Variants in ITGA4 observed in about 807,000 individuals in gnomAD.
ITGA4 encodes the protein integrin alpha-4.
In ITGA4, 63 loss-of-function variants were observed where a neutral mutation model predicts 133.6. That is an observed-to-expected ratio of 0.47 (90% CI 0.38 to 0.58). The LOEUF (loss-of-function observed/expected upper bound fraction) is 0.58. Among genes scored for constraint, ITGA4 ranks in the 20% least tolerant of loss-of-function variants. ITGA4 has a pLI of 0.00. For synonymous variants in ITGA4, 483 were observed against 438.0 expected (o/e 1.10, Z -1.28); for missense variants, 1,076 against 1,252.7 (o/e 0.86, Z 2.13).
chr2:181,536,340 G>A lies in ITGA4; in HGVS notation c.*813G>A, dbSNP rs1232393166. Among the ~76,000 whole-genome samples the A allele has an allele frequency of 1.3e-5, 2 of 151,684 alleles. No homozygotes were observed. Among genetic ancestry groups the A allele is most frequent in the African/African-American group, 4.8e-5 (2 of 41,310 alleles). On this transcript the variant is annotated 3_prime_UTR_variant, in exon 28 of 28. Transcript: ENST00000397033. ...CCCAGGAGTAATCTTCAAATCTTTT[G>A]TTATATTCTGAAACAAAAGATTGTG...
chr2:181,520,533 G>A (rs1299553424), intron 17 of ITGA4, among the ~76,000 whole-genome samples: 4 of 151,932 alleles, frequency 2.6e-5, no homozygotes, highest in Admixed American at 2.0e-4. Flanking sequence ...TTAAAGGAGA[G>A]GAGAAGGACT....
At chr2:181,531,084 C>T (rs1338064817) in intron 24 of ITGA4, among the ~76,000 whole-genome samples, 1 of 151,834 alleles carries the variant, frequency 6.6e-6, no homozygotes, top group Non-Finnish European at 1.5e-5. Context: ...CACTGCACTC[C>T]AGCCTGGGTG....
intron 21 of ITGA4, among the ~76,000 whole-genome samples, chr2:181,526,802 C>CCAGGT (rs1686837674): frequency 7.5e-6 from 1 of 133,538 alleles, no homozygotes; most frequent in Non-Finnish European, 1.6e-5. Flanking sequence ...ATATTGTCAC[C>CCAGGT]CAGGTCAGAG....
At chr2:181,470,039 A>G (rs1167628129) in intron 2 of ITGA4, among the ~76,000 whole-genome samples, 2 of 152,078 alleles carry the variant, frequency 1.3e-5, no homozygotes, top group Admixed American at 6.5e-5. Flanking sequence ...TGTTGTGCAC[A>G]TGTACCCTGG....
At chr2:181,478,630 T>C (rs1376750599) in intron 4 of ITGA4, 127 bp from the exon 5 acceptor site, 1 of 436,426 alleles carries the variant, frequency 2.3e-6, no homozygotes, top group Admixed American at 4.1e-5. Context: ...TCAAGGTTAC[T>C]GGTTTTTATT....
intron 15 of ITGA4, among the ~76,000 whole-genome samples, chr2:181,505,955 C>T (rs908716860): frequency 1.3e-5 from 2 of 152,002 alleles, no homozygotes; most frequent in South Asian, 4.1e-4. Context: ...CAAGCTGTTC[C>T]GTTTTCACAA....
chr2:181,525,145 C>G (rs1435942250), intron 20 of ITGA4, 57 bp from the exon 21 acceptor site: 6 of 974,104 alleles, frequency 6.2e-6, no homozygotes, highest in Non-Finnish European at 8.3e-6. Flanking sequence ...GTAATTAGTT[C>G]TCTCTGAAGA....
At chr2:181,474,338 A>G (rs968998612) in intron 2 of ITGA4, among the ~76,000 whole-genome samples, 1 of 152,186 alleles carries the variant, frequency 6.6e-6, no homozygotes, top group Non-Finnish European at 1.5e-5. Context: ...TTTGTTTACT[A>G]CTGAGATAAT....
intron 21 of ITGA4, 76 bp downstream of exon 21, chr2:181,525,367 A>C: frequency 1.3e-6 from 1 of 742,416 alleles, no homozygotes. Context: ...TAATGAAAAA[A>C]CTGTATTCTA....
Position 181,538,692 on chromosome 2 carries a change from G to GTAAT in ITGA4, c.*3168_*3171dup, listed in dbSNP as rs1177503640. Among the ~76,000 whole-genome samples the GTAAT allele has an allele frequency of 6.6e-6, 1 of 152,116 alleles. No homozygotes were observed. The highest frequency in any genetic ancestry group is 1.5e-5 in the Non-Finnish European group (1 of 68,016). ...AAATTACTGAACAAAACATGTTACA[G>GTAAT]TAATTATGAGTGAGAGGAAACTAAG... On this transcript the variant is annotated 3_prime_UTR_variant, in exon 28 of 28. Coordinates refer to ENST00000397033, the MANE Select transcript of ITGA4 (RefSeq NM_000885.6).
In ITGA4 at chr2:181,525,253, A is replaced by G. The variant is rs949532331; in HGVS notation, c.2301A>G (p.Ala767=). The change falls in exon 21 of 28, where the codon GCA becomes GCG. Residue 767 remains alanine (A), a synonymous_variant. Transcript: ENST00000397033. ...TAAAGCACAGCAGAGTGACTGTAGC[A>G]ATACCTTTAAAATATGAGGTTAAGC... The part of the protein sequence containing the change: ...DNLKHSRVTV[A]IPLKYEVKLT... 6.2e-7 allele frequency: 1 copy of G among 1,606,716 alleles called. No homozygotes were observed.
At chr2:181,517,850 C>T (rs1195392624) in intron 17 of ITGA4, among the ~76,000 whole-genome samples, 1 of 152,064 alleles carries the variant, frequency 6.6e-6, no homozygotes, top group Non-Finnish European at 1.5e-5. Context: ...GCAGTGCTTT[C>T]ACCTTCTGTT....
At chr2:181,521,845 A>C (rs1284301298) in intron 17 of ITGA4, among the ~76,000 whole-genome samples, 1 of 152,224 alleles carries the variant, frequency 6.6e-6, no homozygotes, top group African/African-American at 2.4e-5. Flanking sequence ...AAAGAAAAGA[A>C]AAACTGCTTT....
At chr2:181,483,510 A>G (rs532356200) in intron 9 of ITGA4, among the ~76,000 whole-genome samples, 87 of 152,324 alleles carry the variant, frequency 5.7e-4, no homozygotes, top group African/African-American at 1.9e-3. Flanking sequence ...TGTTCAGTCA[A>G]TGGTTTCAGA....
intron 15 of ITGA4, among the ~76,000 whole-genome samples, chr2:181,504,477 G>C (rs896616854): frequency 6.6e-6 from 1 of 151,894 alleles, no homozygotes; most frequent in East Asian, 1.9e-4. Context: ...ATAGTTTAAT[G>C]AAATGTCATT....
chr2:181,519,057 T>C (rs1405882000), intron 17 of ITGA4, among the ~76,000 whole-genome samples: 2 of 151,998 alleles, frequency 1.3e-5, no homozygotes, highest in African/African-American at 2.4e-5. Flanking sequence ...AAAATGGAAA[T>C]TGTCAAAAGT....
intron 17 of ITGA4, among the ~76,000 whole-genome samples, chr2:181,519,155 CAT>C (rs779007273): frequency 2.0e-5 from 3 of 152,078 alleles, no homozygotes; most frequent in East Asian, 1.9e-4. Flanking sequence ...TTTACAACTA[CAT>C]GTACCAATAT....
At chr2:181,498,460 T>G (rs1488083969) in intron 14 of ITGA4, 163 bp from the exon 15 acceptor site, 1 of 398,070 alleles carries the variant, frequency 2.5e-6, no homozygotes, top group Non-Finnish European at 4.4e-6. Flanking sequence ...TTTTAATTGT[T>G]CCCTCTTTCA....
Position 181,511,762 on chromosome 2 carries a change from A to G in ITGA4, c.1909A>G (p.Ile637Val), listed in dbSNP as rs1686510201. The G allele has an allele frequency of 6.3e-7, 1 of 1,576,788 alleles. No individual in the cohort carries two copies. The highest frequency in any genetic ancestry group is 1.1e-5 in the South Asian group (1 of 90,232). The change falls in exon 17 of 28, where the codon ATT becomes GTT. Residue 637 changes from isoleucine (I) to valine (V), a missense_variant. Ile to Val is a conservative substitution (Grantham distance 29). This residue lies in a region of ITGA4 where 365 missense variants were observed against 421.4 expected (regional missense o/e 0.87). Transcript: ENST00000397033. ...CSADLQVSAK[I>V]GFLKPHENKT... ...TGCTGATTTACAGGTTTCTGCAAAG[A>G]TTGGGTTTTTGAAGTAAGTATATGT...
Sources: allele counts gnomAD v4.1 joint callset (sites outside exome capture counted in the v4.1 genomes callset), GRCh38; gene constraint gnomAD v4.1.1; regional missense constraint gnomAD v4.1.1; transcripts MANE v1.5; gene names NCBI Gene and HGNC (gene_info 2026-07-23, HGNC 2026-07-21).